Variants in UGGT2 observed in about 807,000 individuals in gnomAD.
UGGT2 encodes UDP-glucose glycoprotein glucosyltransferase 2, also known as UDP-glucose:glycoprotein glucosyltransferase 2.
Under a neutral mutation model 192.1 loss-of-function variants are expected in UGGT2, and 180 were observed. The observed-to-expected ratio is 0.94, with a 90% CI of 0.83 to 1.06. The LOEUF (loss-of-function observed/expected upper bound fraction) is 1.06, where lower values mean the gene tolerates loss of function less well. UGGT2 is among the 50% of genes least tolerant of loss of function. The pLI is 0.00. For missense variants in UGGT2, 1,849 were observed against 1,795.7 expected (o/e 1.03, Z -0.54); for synonymous variants, 580 against 591.0 (o/e 0.98, Z 0.27).
chr13:95,810,976 T>C (rs1293932467), intron 38 of UGGT2, among the ~76,000 whole-genome samples: 1 of 152,106 alleles, frequency 6.6e-6, no homozygotes, highest in Non-Finnish European at 1.5e-5. Context: ...AAAAAAGATA[T>C]ACAGACTGCC....
intron 38 of UGGT2, chr13:95,809,522 G>C: frequency 2.9e-6 from 1 of 345,974 alleles, no homozygotes; most frequent in South Asian, 2.4e-5. Context: ...ACTTTCGCAG[G>C]GGCAGGTTTA....
chr13:95,887,938 A>AC lies in UGGT2; in HGVS notation c.2991dup (p.Leu998ValfsTer6). ...AGCCTGCCCCTACAGTTCATGAACA[A>AC]CTTTATCTTCATGTTGATAATCTTG... On this transcript the variant is annotated frameshift_variant, in exon 26 of 39. Transcript: ENST00000376747. LOFTEE classifies it high-confidence loss of function. 1.2e-6 allele frequency: 2 copies of AC among 1,604,202 alleles called. No individual in the cohort carries two copies. Among genetic ancestry groups the AC allele is most frequent in the African/African-American group, 2.7e-5 (2 of 74,882 alleles).
At chr13:95,958,763 A>T (rs1469811476) in intron 12 of UGGT2, among the ~76,000 whole-genome samples, 1 of 152,188 alleles carries the variant, frequency 6.6e-6, no homozygotes, top group South Asian at 2.1e-4. Flanking sequence ...GGAGTACCCG[A>T]AAGCAAGAAA....
chr13:95,814,948 T>A (rs1232357784), intron 38 of UGGT2, among the ~76,000 whole-genome samples: 3 of 152,162 alleles, frequency 2.0e-5, no homozygotes, highest in Non-Finnish European at 2.9e-5. Flanking sequence ...TCAGTATAAT[T>A]TATATATTAA....
intron 10 of UGGT2, among the ~76,000 whole-genome samples, chr13:95,977,605 AT>A (rs1419022402): frequency 6.6e-6 from 1 of 152,238 alleles, no homozygotes; most frequent in Non-Finnish European, 1.5e-5. Flanking sequence ...GGGAATTTAA[AT>A]TAGTTAAACC....
intron 10 of UGGT2, among the ~76,000 whole-genome samples, chr13:95,982,258 T>C (rs1566791389): frequency 6.6e-6 from 1 of 152,190 alleles, no homozygotes; most frequent in Admixed American, 6.5e-5. Flanking sequence ...CCAAATCATT[T>C]TATTTTCTAA....
intron 25 of UGGT2, among the ~76,000 whole-genome samples, chr13:95,888,611 G>T (rs1293320812): frequency 6.6e-6 from 1 of 152,112 alleles, no homozygotes; most frequent in Non-Finnish European, 1.5e-5. Context: ...GGATTTAAGA[G>T]ATTTGACTTT....
chr13:95,993,967 A>G (rs1387633632), intron 7 of UGGT2, among the ~76,000 whole-genome samples: 3 of 151,542 alleles, frequency 2.0e-5, no homozygotes, highest in Non-Finnish European at 4.4e-5. Flanking sequence ...CAGGAAAAAA[A>G]GGGGGGGGTA....
At chr13:95,992,902 G>C (rs1014341035) in intron 7 of UGGT2, among the ~76,000 whole-genome samples, 2 of 152,148 alleles carry the variant, frequency 1.3e-5, no homozygotes, top group African/African-American at 4.8e-5. Flanking sequence ...ACTCAACCCA[G>C]TAATCTCATT....
chr13:95,984,309 T>C (rs2051222910), intron 9 of UGGT2, among the ~76,000 whole-genome samples: 1 of 152,146 alleles, frequency 6.6e-6, no homozygotes, highest in Non-Finnish European at 1.5e-5. Flanking sequence ...CACTCACTCT[T>C]TCAATTTTTT....
intron 1 of UGGT2, among the ~76,000 whole-genome samples, chr13:96,032,780 A>G (rs57094206): frequency 0.011 from 1,661 of 152,324 alleles, 37 homozygotes; most frequent in African/African-American, 0.038. Context: ...AAGTATTGAG[A>G]ACATCCACAA....
Position 95,867,404 on chromosome 13 carries a change from G to A in UGGT2, c.3493C>T (p.Gln1165Ter), listed in dbSNP as rs760837967. 7 of 1,606,652 alleles carry A rather than the reference G, an allele frequency of 4.4e-6. No individual in the cohort carries two copies. The highest frequency in any genetic ancestry group is 5.9e-6 in the Non-Finnish European group (7 of 1,177,616). Residue 1165 changes from glutamine (Q) to a stop codon, truncating the protein, a stop_gained, in exon 30 of 39, where the codon CAA becomes TAA. Coordinates refer to ENST00000376747, the MANE Select transcript of UGGT2 (RefSeq NM_020121.4). LOFTEE classifies it high-confidence loss of function. ...ACAATGATATCTTCTAGGTCTGCTTGAGAGTCAGTTCCTTCATGCCTAAAA... is the reference window on the plus strand; with the variant it reads ...ACAATGATATCTTCTAGGTCTGCTTAAGAGTCAGTTCCTTCATGCCTAAAA... ...QIVGHEGTDS[Q>*]ADLEDIIVVL...
intron 20 of UGGT2, among the ~76,000 whole-genome samples, chr13:95,905,967 A>G (rs1048651083): frequency 1.1e-4 from 17 of 152,162 alleles, no homozygotes; most frequent in Non-Finnish European, 1.9e-4. Flanking sequence ...TCAAGTGTTA[A>G]TATATGCATG....
chr13:95,994,145 T>C (rs1333346882), intron 7 of UGGT2, among the ~76,000 whole-genome samples: 1 of 152,134 alleles, frequency 6.6e-6, no homozygotes, highest in Non-Finnish European at 1.5e-5. Flanking sequence ...AGTAAAGTTC[T>C]AGATTCTATA....
chr13:96,046,995 C>A (rs923447089), intron 1 of UGGT2, among the ~76,000 whole-genome samples: 8 of 152,182 alleles, frequency 5.3e-5, no homozygotes, highest in Non-Finnish European at 1.2e-4. Context: ...TGGAGCCCAC[C>A]ACAGCTCCAG....
intron 7 of UGGT2, chr13:95,995,802 CAT>C: frequency 2.4e-6 from 1 of 415,246 alleles, no homozygotes; most frequent in Non-Finnish European, 4.3e-6. Flanking sequence ...ACTGGAAAAA[CAT>C]ACTGTACACC....
intron 20 of UGGT2, among the ~76,000 whole-genome samples, chr13:95,914,716 C>T (rs980789839): frequency 2.0e-5 from 3 of 148,940 alleles, no homozygotes; most frequent in Admixed American, 6.8e-5. Context: ...AGGAGAATCA[C>T]TTGAACCTAC....
At chr13:95,993,423 A>T (rs1366542253) in intron 7 of UGGT2, among the ~76,000 whole-genome samples, 1 of 152,194 alleles carries the variant, frequency 6.6e-6, no homozygotes, top group African/African-American at 2.4e-5. Flanking sequence ...AATTAAAATT[A>T]AAATAGCCCA....
chr13:95,950,051 C>T (rs2050007176), intron 12 of UGGT2, among the ~76,000 whole-genome samples: 1 of 151,986 alleles, frequency 6.6e-6, no homozygotes, highest in African/African-American at 2.4e-5. Context: ...CCCTGGGTCC[C>T]CAGATTGCGT....
Sources: gnomAD v4.1 joint callset for allele counts (sites outside exome capture counted in the v4.1 genomes callset) on GRCh38, gnomAD v4.1.1 for gene constraint, MANE v1.5 for transcripts, NCBI Gene and HGNC (gene_info 2026-07-23, HGNC 2026-07-21) for gene names.